The following ITGB5 variants were observed in gnomAD, a reference collection of about 807,000 sequenced individuals.
The protein encoded by ITGB5 is integrin subunit beta 5.
Under a neutral mutation model 84.8 loss-of-function variants are expected in ITGB5, and 38 were observed. That is an observed-to-expected ratio of 0.45 (90% confidence interval 0.35 to 0.59). The LOEUF (loss-of-function observed/expected upper bound fraction) is 0.59. ITGB5 is among the 20% of genes least tolerant of loss of function. The pLI, the probability that ITGB5 is intolerant of heterozygous loss-of-function variation, is 0.01. For missense variants in ITGB5, 905 were observed against 1,034.5 expected (o/e 0.87, Z 1.72); for synonymous variants, 393 against 414.4 (o/e 0.95, Z 0.63).
chr3:124,768,953 T>C, intron 12 of ITGB5, 60 bp downstream of exon 12: 2 of 1,387,876 alleles, frequency 1.4e-6, no homozygotes, highest in East Asian at 2.3e-5. Context: ...AGGCTAAAAC[T>C]ACCCTCCTCC....
intron 1 of ITGB5, among the ~76,000 whole-genome samples, chr3:124,886,704 A>G (rs1292801177): frequency 6.6e-6 from 1 of 151,652 alleles, no homozygotes; most frequent in Admixed American, 6.6e-5. Flanking sequence ...CAGGAAGGGA[A>G]GCTCCTCCTC....
At chr3:124,792,074 T>C (rs1579203769) in intron 10 of ITGB5, 1 of 152,316 alleles carries the variant, frequency 6.6e-6, no homozygotes, top group East Asian at 1.9e-4. Context: ...CAGAAACTAT[T>C]TTCTCCGGAA....
intron 11 of ITGB5, among the ~76,000 whole-genome samples, chr3:124,770,787 A>G (rs1373311369): frequency 6.6e-6 from 1 of 152,102 alleles, no homozygotes; most frequent in Non-Finnish European, 1.5e-5. Flanking sequence ...CAAGATGGTA[A>G]CTCTCCCCAC....
At chr3:124,771,066 T>TAACTCA (rs1007435117) in intron 11 of ITGB5, among the ~76,000 whole-genome samples, 4 of 151,078 alleles carry the variant, frequency 2.6e-5, no homozygotes, top group African/African-American at 9.7e-5. Flanking sequence ...CATATCAGTC[T>TAACTCA]AACTCATATG....
chr3:124,884,956 G>C (rs1418757891), intron 1 of ITGB5, among the ~76,000 whole-genome samples: 1 of 152,128 alleles, frequency 6.6e-6, no homozygotes, highest in Non-Finnish European at 1.5e-5. Context: ...CAAGATGCAA[G>C]TGGAAAATAA....
intron 5 of ITGB5, among the ~76,000 whole-genome samples, chr3:124,821,876 C>G (rs139062771): frequency 3.7e-5 from 5 of 135,838 alleles, no homozygotes; most frequent in Non-Finnish European, 8.0e-5. Flanking sequence ...CCAACAACAT[C>G]CCCTGGTTGG....
At chr3:124,807,477 T>C in intron 9 of ITGB5, among the ~76,000 whole-genome samples, 1 of 152,198 alleles carries the variant, frequency 6.6e-6, no homozygotes, top group East Asian at 1.9e-4. Context: ...ACAGCTTGAT[T>C]AGGCCTTCTT....
intron 3 of ITGB5, among the ~76,000 whole-genome samples, chr3:124,852,138 G>C (rs576976835): frequency 6.6e-6 from 1 of 152,128 alleles, no homozygotes; most frequent in South Asian, 2.1e-4. Context: ...ACCTCCCGCT[G>C]CCCGGCAGAG....
At chr3:124,878,287 G>A (rs1004242733) in intron 1 of ITGB5, among the ~76,000 whole-genome samples, 1 of 152,168 alleles carries the variant, frequency 6.6e-6, no homozygotes, top group Non-Finnish European at 1.5e-5. Context: ...CTGAGCTCTG[G>A]TCTTCTGGTC....
At chr3:124,815,405 T>A (rs1253236206) in intron 8 of ITGB5, among the ~76,000 whole-genome samples, 2 of 152,204 alleles carry the variant, frequency 1.3e-5, no homozygotes. Flanking sequence ...TGCTGACAAG[T>A]GGCCCCTCCG....
At chr3:124,886,908 G>C in intron 1 of ITGB5, 23 bp downstream of exon 1, 1 of 1,208,200 alleles carries the variant, frequency 8.3e-7, no homozygotes, top group Non-Finnish European at 1.0e-6. Context: ...GTTTCTCTGG[G>C]CGCCGTGGGC....
At chr3:124,900,752 C>G (rs534383869) in intron 1 of ITGB5, among the ~76,000 whole-genome samples, 1 of 152,122 alleles carries the variant, frequency 6.6e-6, no homozygotes, top group Non-Finnish European at 1.5e-5. Flanking sequence ...TCACCTCCCA[C>G]GGGTGGCATT....
upstream of ITGB5, among the ~76,000 whole-genome samples, chr3:124,888,594 A>G (rs1438456498): frequency 5.3e-5 from 8 of 152,230 alleles, no homozygotes; most frequent in Admixed American, 2.6e-4. Context: ...TCCTTTACCC[A>G]TATTAACTCA....
At chr3:124,784,099 C>T (rs145095127) in intron 10 of ITGB5, among the ~76,000 whole-genome samples, 3 of 152,342 alleles carry the variant, frequency 2.0e-5, no homozygotes, top group Non-Finnish European at 2.9e-5. Context: ...TTCTCCAAAC[C>T]TCAGCATTAA....
At chr3:124,897,126 T>G (rs1289956354) in intron 1 of ITGB5, among the ~76,000 whole-genome samples, 1 of 152,196 alleles carries the variant, frequency 6.6e-6, no homozygotes, top group Admixed American at 6.5e-5. Flanking sequence ...ATCCCTGATC[T>G]TTTCTGACTG....
At chr3:124,816,733 G>A (rs2064601961) in intron 8 of ITGB5, among the ~76,000 whole-genome samples, 1 of 152,154 alleles carries the variant, frequency 6.6e-6, no homozygotes, top group South Asian at 2.1e-4. Flanking sequence ...AGAAAGGCTT[G>A]GGAGGTGAGT....
At chr3:124,858,678 T>C (rs9878701) in intron 3 of ITGB5, among the ~76,000 whole-genome samples, 23,892 of 152,188 alleles carry the variant, frequency 0.16, 1,961 homozygotes, top group South Asian at 0.21. Context: ...ATGGTAGGTA[T>C]CTGGACTAGT....
chr3:124,817,762 A>G, intron 7 of ITGB5, 52 bp from the exon 8 acceptor site: 1 of 1,052,732 alleles, frequency 9.5e-7, no homozygotes, highest in Non-Finnish European at 1.5e-6. Flanking sequence ...CCTGCCAACC[A>G]TCAGAGTGAG....
chr3:124,878,646 T>C (rs1215861052), intron 1 of ITGB5: 1 of 152,144 alleles, frequency 6.6e-6, no homozygotes, highest in Non-Finnish European at 1.5e-5. Flanking sequence ...GGGTACCAGG[T>C]ACCAGACAGG....
Sources: allele counts gnomAD v4.1 joint callset (sites outside exome capture counted in the v4.1 genomes callset), GRCh38; gene constraint gnomAD v4.1.1; transcripts MANE v1.5; gene names NCBI Gene and HGNC (gene_info 2026-07-23, HGNC 2026-07-21).